ZYG11A: variants seen among roughly 807,000 people sequenced by gnomAD.
ZYG11A encodes the protein zyg-11 family member A, cell cycle regulator, also known as protein zyg-11 homolog A.
Under a neutral mutation model 77.2 loss-of-function variants are expected in ZYG11A, and 62 were observed. The observed-to-expected ratio is 0.80, with a 90% CI of 0.65 to 0.99. The LOEUF (loss-of-function observed/expected upper bound fraction) is 0.99, where lower values mean the gene tolerates loss of function less well. ZYG11A is among the 50% of genes least tolerant of loss of function. The probability of loss-of-function intolerance (pLI) is 0.00; values close to 1 mark genes in which losing one functional copy is unlikely to be tolerated. For missense variants in ZYG11A, 828 were observed against 896.8 expected (o/e 0.92, Z 0.98); for synonymous variants, 315 against 324.6 (o/e 0.97, Z 0.32).
Position 52,878,068 on chromosome 1 carries a change from A to G in ZYG11A, c.1749+99A>G, listed in dbSNP as rs982781289. 4 of 943,630 alleles carry G rather than the reference A, an allele frequency of 4.2e-6. No individual in the cohort carries two copies. In the Admixed American group the frequency reaches 6.9e-5, roughly 16 times the overall value. The allele number at this position is 943,630 out of a possible 1,614,324, so 58.5% of individuals were successfully genotyped here. ...TGCTAGGCAGTATTGTAAGCAATTT[A>G]CATGTATAAACTCATTTAATCTTTA... On this transcript the variant is annotated intron_variant, in intron 10 of 13. Coordinates refer to ENST00000371528, the MANE Select transcript of ZYG11A (RefSeq NM_001004339.3).
intron 8 of ZYG11A, 116 bp from the exon 9 acceptor site, chr1:52,877,566 G>C: frequency 1.4e-6 from 1 of 724,222 alleles, no homozygotes; most frequent in Non-Finnish European, 2.2e-6. Flanking sequence ...CAGCTACTAA[G>C]TGGCAGAACT....
At chr1:52,862,157 C>T (rs999581181) in intron 4 of ZYG11A, among the ~76,000 whole-genome samples, 2 of 151,126 alleles carry the variant, frequency 1.3e-5, no homozygotes, top group East Asian at 2.0e-4. Context: ...TGCAGTGAGC[C>T]GAGATGATAC....
intron 1 of ZYG11A, among the ~76,000 whole-genome samples, chr1:52,847,593 T>C (rs1187599935): frequency 6.6e-6 from 1 of 151,900 alleles, no homozygotes; most frequent in Non-Finnish European, 1.5e-5. Flanking sequence ...CTTTTGTTTA[T>C]CTGAGAATAT....
chr1:52,881,388 G>A, intron 10 of ZYG11A, 83 bp from the exon 11 acceptor site: 1 of 992,570 alleles, frequency 1.0e-6, no homozygotes, highest in Non-Finnish European at 1.5e-6. Context: ...TCTGACCTGA[G>A]AAGCAGGAAA....
intron 3 of ZYG11A, among the ~76,000 whole-genome samples, chr1:52,859,358 C>T (rs191477351): frequency 1.3e-5 from 2 of 150,132 alleles, no homozygotes; most frequent in East Asian, 2.0e-4. Context: ...TTTTTTGAGA[C>T]GGAGTCTTGC....
chr1:52,843,594 GC>G (rs1645497917), intron 1 of ZYG11A, among the ~76,000 whole-genome samples: 1 of 152,130 alleles, frequency 6.6e-6, no homozygotes, highest in Non-Finnish European at 1.5e-5. Flanking sequence ...TTTGCCGAAT[GC>G]CTGTTACTCT....
rs1054309319 is a variant in ZYG11A at position 52,886,977 on chromosome 1, G to T, written c.2028G>T (p.Pro676=). The change falls in exon 13 of 14, where the codon CCG becomes CCT. Residue 676 remains proline, a synonymous_variant. Coordinates refer to ENST00000371528, the MANE Select transcript of ZYG11A (RefSeq NM_001004339.3). The part of the protein sequence containing the change: ...VTYRSFKTFF[P]LLGNFSQPEV... ...TTAGATCTTTCAAGACATTTTTCCC[G>T]CTCCTTGGCAACTTCTCTCAACCAG... 1 of 1,547,400 alleles carries T rather than the reference G, an allele frequency of 6.5e-7. No individual in the cohort carries two copies. The highest frequency in any genetic ancestry group is 8.7e-7 in the Non-Finnish European group (1 of 1,144,326).
At chr1:52,867,856 C>T in intron 8 of ZYG11A, 79 bp downstream of exon 8, 1 of 1,283,778 alleles carries the variant, frequency 7.8e-7, no homozygotes, top group South Asian at 1.4e-5. Flanking sequence ...AAAATCAAAT[C>T]ATTCCAAAAG....
chr1:52,869,912 AC>A (rs756560001), intron 8 of ZYG11A, among the ~76,000 whole-genome samples: 14 of 111,122 alleles, frequency 1.3e-4, no homozygotes, highest in Admixed American at 1.9e-4. Flanking sequence ...CAGGGGGCTG[AC>A]CCCCCCCACA....
At chr1:52,890,984 T>C (rs1358999097) in intron 13 of ZYG11A, among the ~76,000 whole-genome samples, 1 of 151,902 alleles carries the variant, frequency 6.6e-6, no homozygotes, top group African/African-American at 2.4e-5. Flanking sequence ...CTGCAACCTC[T>C]GCCTCCTGGG....
chr1:52,847,534 A>T (rs1645614518), intron 1 of ZYG11A, among the ~76,000 whole-genome samples: 1 of 151,512 alleles, frequency 6.6e-6, no homozygotes, highest in Non-Finnish European at 1.5e-5. Flanking sequence ...TAGCTTAAAG[A>T]ACTTTTAATA....
At chr1:52,877,626 C>T (rs555532007) in intron 8 of ZYG11A, 56 bp from the exon 9 acceptor site, 30 of 1,440,050 alleles carry the variant, frequency 2.1e-5, no homozygotes, top group South Asian at 2.8e-5. Flanking sequence ...TTCCTTATAC[C>T]GCAATTGATT....
intron 12 of ZYG11A, 39 bp downstream of exon 12, chr1:52,885,933 CT>C: frequency 7.2e-7 from 1 of 1,394,436 alleles, no homozygotes; most frequent in Non-Finnish European, 9.7e-7. Context: ...TTTTTTTTTT[CT>C]TCTTTTTTTT....
intron 1 of ZYG11A, among the ~76,000 whole-genome samples, chr1:52,847,020 G>C (rs928893730): frequency 1.3e-5 from 2 of 151,788 alleles, no homozygotes; most frequent in Non-Finnish European, 2.9e-5. Flanking sequence ...GCTAATTTTT[G>C]TATTTTTAGT....
Position 52,877,734 on chromosome 1 carries a change from CCTT to C in ZYG11A, c.1599_1601del (p.Phe533del). On this transcript the variant is annotated inframe_deletion, in exon 9 of 14. Coordinates refer to ENST00000371528, the MANE Select transcript of ZYG11A (RefSeq NM_001004339.3). ...ACTACTGAGAATTTAGATGATGTCA[CCTT>C]CTTGTTTACTTTGAAAGCACTTTGG... is the stretch of plus-strand genomic sequence containing the variant. 6.4e-7 allele frequency: 1 copy of C among 1,552,046 alleles called. No individual in the cohort carries two copies. Among genetic ancestry groups the C allele is most frequent in the East Asian group, 2.4e-5 (1 of 40,904 alleles).
At chr1:52,866,063 G>A (rs1361536475) in intron 5 of ZYG11A, among the ~76,000 whole-genome samples, 13 of 147,956 alleles carry the variant, frequency 8.8e-5, no homozygotes, top group African/African-American at 2.7e-4. Context: ...TCAGCCTCCC[G>A]AGTAGCTGGG....
At chr1:52,849,227 G>A (rs1645657883) in intron 1 of ZYG11A, among the ~76,000 whole-genome samples, 1 of 151,774 alleles carries the variant, frequency 6.6e-6, no homozygotes, top group South Asian at 2.1e-4. Context: ...GTGCCACCAC[G>A]CCCAGCTGAT....
At chr1:52,878,976 CAA>C (rs886190752) in intron 10 of ZYG11A, among the ~76,000 whole-genome samples, 1 of 53,332 alleles carries the variant, frequency 1.9e-5, no homozygotes, top group Non-Finnish European at 4.7e-5. Context: ...AAAAAAAAAA[CAA>C]ACCAAAAAAC....
Position 52,893,187 on chromosome 1 carries a change from G to T in ZYG11A, c.*230G>T. 2.1e-6 allele frequency: 1 copy of T among 475,732 alleles called. No individual in the cohort carries two copies. Among genetic ancestry groups the T allele is most frequent in the South Asian group, 2.7e-5 (1 of 37,456 alleles). The allele number at this position is 475,732 out of a possible 1,614,324, so 29.5% of individuals were successfully genotyped here. A position where few individuals can be genotyped will look rare whatever the true frequency, so the allele number is the denominator to read the frequency against. On this transcript the variant is annotated 3_prime_UTR_variant, in exon 14 of 14. Transcript: ENST00000371528. ...CAGCAATTTTGAAGACTCAAACCGT[G>T]GACTCTGGGAAGGCCTGGGAGCTTG...
Sources: gnomAD v4.1 joint callset for allele counts (sites outside exome capture counted in the v4.1 genomes callset) on GRCh38, gnomAD v4.1.1 for gene constraint, MANE v1.5 for transcripts, NCBI Gene and HGNC (gene_info 2026-07-23, HGNC 2026-07-21) for gene names.